IL17REL: variants seen among roughly 807,000 people sequenced by gnomAD.
The protein encoded by IL17REL is interleukin-17 receptor E-like protein.
In IL17REL, 36 loss-of-function variants were observed where a neutral mutation model predicts 49.0. The ratio of observed to expected loss-of-function variants is 0.73; its 90% CI spans 0.56 to 0.97. The LOEUF is 0.97. IL17REL is among the 50% of genes least tolerant of loss of function. The pLI is 0.00. For synonymous variants in IL17REL, 206 were observed against 192.4 expected, an observed-to-expected ratio of 1.07 and a Z score of -0.58; for missense variants, 470 against 453.9, an observed-to-expected ratio of 1.04 and a Z score of -0.32.
At chr22:49,998,709 A>ATGTGTACGTGTTTGCATGTGTATGGG (rs2061053355) in intron 7 of IL17REL, among the ~76,000 whole-genome samples, 1 of 136,506 alleles carries the variant, frequency 7.3e-6, no homozygotes, top group African/African-American at 2.9e-5. Context: ...GTGTGTGTGC[A>ATGTGTACGTGTTTGCATGTGTATGGG]TGTGTACGTG....
At chr22:50,006,508 T>C (rs947853840) in intron 1 of IL17REL, among the ~76,000 whole-genome samples, 6 of 151,696 alleles carry the variant, frequency 4.0e-5, no homozygotes, top group Admixed American at 2.0e-4. Context: ...TGTCCTCCAG[T>C]AACAAGCCAC....
chr22:49,998,236 G>A lies in IL17REL; in HGVS notation c.675C>T (p.Pro225=), dbSNP rs765694162. Residue 225 remains proline (P), a synonymous_variant, in exon 8 of 13, where the codon CCC becomes CCT. Transcript: ENST00000341280. Reference sequence around the variant, plus strand: ...TCACATGGCCACTCACAGGGCAGGCGGGCTCCCAGCTCAGTGTCTGGCTCT... The same window carrying A: ...TCACATGGCCACTCACAGGGCAGGCAGGCTCCCAGCTCAGTGTCTGGCTCT... The A allele has an allele frequency of 4.4e-5, 71 of 1,612,404 alleles. 1 individual carries two copies. The South Asian group carries it at 5.6e-4, about 13-fold the overall frequency.
At chr22:50,004,907 C>A (rs1158071926) in intron 1 of IL17REL, among the ~76,000 whole-genome samples, 1 of 148,210 alleles carries the variant, frequency 6.7e-6, no homozygotes. Context: ...CATCTTTTGA[C>A]CCTTTCTAGA....
At chr22:50,011,544 G>A (rs2061141481), upstream of IL17REL, among the ~76,000 whole-genome samples, 2 of 151,856 alleles carry the variant, frequency 1.3e-5, no homozygotes, top group African/African-American at 2.4e-5. Flanking sequence ...CTCATCTCTC[G>A]CTTCTCCTTC....
intron 7 of IL17REL, 58 bp downstream of exon 9, chr22:49,999,233 G>A (rs2061058547): frequency 1.1e-5 from 18 of 1,592,190 alleles, no homozygotes; most frequent in Non-Finnish European, 1.1e-5. Context: ...TCATGGTGGA[G>A]TCAGACTGGC....
chr22:50,003,519 CA>C (rs142337526), intron 1 of IL17REL, among the ~76,000 whole-genome samples: 3,731 of 38,896 alleles, frequency 0.096, 33 homozygotes, highest in African/African-American at 0.23. Context: ...GACTCCATCT[CA>C]AAAAAAAAAA....
downstream of IL17REL, among the ~76,000 whole-genome samples, chr22:49,992,355 T>C (rs1005515277): frequency 6.6e-6 from 1 of 152,256 alleles, no homozygotes; most frequent in African/African-American, 2.4e-5. Context: ...AGCCGGGCAA[T>C]GCAAAGGCCC....
rs1223002626 is a variant in IL17REL at position 49,998,050 on chromosome 22, T to G, written c.794A>C (p.Asp265Ala). The G allele has an allele frequency of 5.0e-6, 8 of 1,593,480 alleles. No individual in the cohort carries two copies. The South Asian group carries it at 9.0e-5, about 18-fold the overall frequency. ...CTTCAGGCAGAGCTGGGGCTGGGTG[T>G]CCACCAGCGGGTACTGCACCTGAGG... Residue 265 changes from aspartate (D) to alanine (A), a missense_variant, in exon 9 of 13, where the codon GAC becomes GCC. Asp to Ala is a moderately radical substitution (Grantham distance 126, BLOSUM62 -2). Coordinates refer to ENST00000341280, the Ensembl canonical transcript of IL17REL.
chr22:49,997,827 G>A, intron 9 of IL17REL, 85 bp from the exon 12 acceptor site: 2 of 1,474,914 alleles, frequency 1.4e-6, no homozygotes, highest in Admixed American at 1.7e-5. Context: ...GACAGGCTGG[G>A]TCAGCTTCAG....
At chr22:50,007,026 T>A (rs775610535) in intron 1 of IL17REL, among the ~76,000 whole-genome samples, 20 of 150,768 alleles carry the variant, frequency 1.3e-4, no homozygotes, top group Non-Finnish European at 2.9e-4. Context: ...GATGCAGAAA[T>A]TTTTCATAAA....
chr22:50,002,806 T>G (rs1193122057), intron 1 of IL17REL, among the ~76,000 whole-genome samples: 1 of 152,170 alleles, frequency 6.6e-6, no homozygotes, highest in East Asian at 1.9e-4. Flanking sequence ...GAAATCCAAC[T>G]CTTACAAATT....
intron 7 of IL17REL, among the ~76,000 whole-genome samples, chr22:49,998,707 G>A (rs1569208626): frequency 1.3e-5 from 2 of 150,796 alleles, no homozygotes; most frequent in Admixed American, 6.6e-5. Flanking sequence ...GGGTGTGTGT[G>A]CATGTGTACG....
exon 13 of IL17REL, chr22:49,995,220 G>A (rs1318007160): frequency 6.6e-6 from 1 of 152,536 alleles, no homozygotes; most frequent in Non-Finnish European, 1.5e-5. Context: ...GAAGCTCCAG[G>A]CAGCTGCCAG....
At chr22:49,994,033 A>G (rs1223645360), downstream of IL17REL, among the ~76,000 whole-genome samples, 3 of 151,242 alleles carry the variant, frequency 2.0e-5, no homozygotes, top group African/African-American at 4.9e-5. Flanking sequence ...CAGGCTAGGG[A>G]GGGGCACCTG....
At chr22:50,000,382 T>C (rs2061070662) in intron 4 of IL17REL, 96 bp downstream of exon 5, 2 of 898,564 alleles carry the variant, frequency 2.2e-6, no homozygotes, top group African/African-American at 1.6e-5. Context: ...ATCTGTCCAG[T>C]GTGAGGGCCA....
intron 1 of IL17REL, among the ~76,000 whole-genome samples, chr22:50,005,465 C>A (rs1249431246): frequency 6.6e-6 from 1 of 152,068 alleles, no homozygotes; most frequent in African/African-American, 2.4e-5. Flanking sequence ...GGAATTCAAG[C>A]TGGTGTTGAC....
At chr22:49,998,858 G>T (rs1382749165) in intron 7 of IL17REL, among the ~76,000 whole-genome samples, 2 of 151,696 alleles carry the variant, frequency 1.3e-5, no homozygotes, top group Non-Finnish European at 2.9e-5. Context: ...CATGTGTATG[G>T]GCGTGTATGT....
intron 1 of IL17REL, among the ~76,000 whole-genome samples, chr22:50,002,382 C>A (rs553065882): frequency 6.6e-6 from 1 of 152,240 alleles, no homozygotes; most frequent in South Asian, 2.1e-4. Flanking sequence ...CAGCAAGAAC[C>A]TAGACAACTG....
exon 13 of IL17REL, chr22:49,996,776 T>C: frequency 2.0e-6 from 1 of 493,240 alleles, no homozygotes; most frequent in South Asian, 3.1e-5. Context: ...CTCGGCCTCC[T>C]GCGGCCCCTG....
Sources: allele counts gnomAD v4.1 joint callset (sites outside exome capture counted in the v4.1 genomes callset), GRCh38; gene constraint gnomAD v4.1.1; transcripts MANE v1.5; gene names NCBI Gene and HGNC (gene_info 2026-07-23, HGNC 2026-07-21).